The following TLE3 variants were observed in gnomAD, a reference collection of about 807,000 sequenced individuals.
TLE3 encodes transducin-like enhancer protein 3.
Under a neutral mutation model 93.0 loss-of-function variants are expected in TLE3, and 14 were observed. That is an observed-to-expected ratio of 0.15 (90% CI 0.10 to 0.24). The LOEUF is 0.24. Among genes scored for constraint, TLE3 ranks in the 10% least tolerant of loss-of-function variants. TLE3 has a pLI of 1.00. For missense variants in TLE3, 693 were observed against 1,046.6 expected (o/e 0.66, Z 4.66); for synonymous variants, 451 against 425.0 (o/e 1.06, Z -0.75).
At chr15:70,090,252 G>T (rs1221702573) in intron 4 of TLE3, among the ~76,000 whole-genome samples, 2 of 145,328 alleles carry the variant, frequency 1.4e-5, no homozygotes. Context: ...TTCCAGGGAA[G>T]ATCAATATAG....
Position 70,060,622 on chromosome 15 carries a change from G to A in TLE3, c.622C>T (p.Leu208Phe), listed in dbSNP as rs570796461. 1.2e-6 allele frequency: 2 copies of A among 1,614,016 alleles called. No homozygotes were observed. Among genetic ancestry groups the A allele is most frequent in the South Asian group, 2.2e-5 (2 of 91,088 alleles). Reference protein sequence around the residue: ...ANNSVSPSESLRASEKHRGSA... With the variant: ...ANNSVSPSESFRASEKHRGSA... ...CCCCGGTGCTTCTCACTGGCCCGGA[G>A]GCTTTCCGAGGGTGACACAGAGTTA... Residue 208 changes from leucine (L) to phenylalanine (F), a missense_variant, in exon 9 of 20, where the codon CTC becomes TTC. This residue lies in a region of TLE3 where 405 missense variants were observed against 468.9 expected (regional missense o/e 0.86). Coordinates refer to ENST00000451782, the MANE Select transcript of TLE3 (RefSeq NM_001105192.3).
chr15:70,087,651 C>T (rs1034801764), intron 4 of TLE3, among the ~76,000 whole-genome samples: 1 of 152,210 alleles, frequency 6.6e-6, no homozygotes, highest in Non-Finnish European at 1.5e-5. Context: ...AGCAGCCAGC[C>T]TGGGAGAGAA....
At chr15:70,056,740 C>G (rs996078744) in intron 13 of TLE3, among the ~76,000 whole-genome samples, 1 of 152,180 alleles carries the variant, frequency 6.6e-6, no homozygotes, top group Admixed American at 6.5e-5. Flanking sequence ...GGGCCCCTCT[C>G]CCCGCCAACC....
chr15:70,096,694 GC>G, intron 1 of TLE3, 80 bp downstream of exon 1: 1 of 1,579,956 alleles, frequency 6.3e-7, no homozygotes, highest in Non-Finnish European at 8.6e-7. Context: ...GTAGCAACAA[GC>G]AAAATGGAGG....
intron 2 of TLE3, 32 bp downstream of exon 2, chr15:70,096,115 ACCCACCCCTCCCCG>A: frequency 3.3e-6 from 5 of 1,503,262 alleles, no homozygotes; most frequent in Non-Finnish European, 4.5e-6. Flanking sequence ...CGCGCAGGGG[ACCCACCCCTCCCCG>A]CCAGCCCCGG....
At chr15:70,068,007 A>G (rs960728325) in intron 6 of TLE3, among the ~76,000 whole-genome samples, 3 of 152,198 alleles carry the variant, frequency 2.0e-5, no homozygotes, top group Non-Finnish European at 2.9e-5. Flanking sequence ...ACAGAGTCCA[A>G]TGCGGAGATC....
chr15:70,054,385 T>C, intron 16 of TLE3, 53 bp downstream of exon 16: 1 of 1,574,806 alleles, frequency 6.3e-7, no homozygotes, highest in East Asian at 2.2e-5. Context: ...CCAGGCAGGA[T>C]GGGTAAAAAC....
chr15:70,094,655 G>T (rs1229399263), intron 3 of TLE3, 79 bp from the exon 4 acceptor site: 6 of 1,111,396 alleles, frequency 5.4e-6, no homozygotes, highest in Non-Finnish European at 7.8e-6. Context: ...TCTTGGAAAG[G>T]TTTTGGCCAA....
chr15:70,093,490 G>A (rs768089363), intron 4 of TLE3, among the ~76,000 whole-genome samples: 4 of 152,188 alleles, frequency 2.6e-5, no homozygotes, highest in East Asian at 1.9e-4. Flanking sequence ...TTCAAGTCAC[G>A]GTCACCAAAG....
intron 17 of TLE3, 162 bp from the exon 18 acceptor site, chr15:70,052,686 T>C (rs1337616974): frequency 2.3e-5 from 15 of 652,078 alleles, no homozygotes; most frequent in African/African-American, 1.8e-5. Flanking sequence ...CCCCATTTTA[T>C]AGGTGAGAAA....
intron 14 of TLE3, 89 bp from the exon 15 acceptor site, chr15:70,055,387 C>T (rs749044722): frequency 5.3e-5 from 79 of 1,495,628 alleles, no homozygotes; most frequent in African/African-American, 3.4e-4. Flanking sequence ...GCACTGCCCC[C>T]GACTGGCTGC....
At chr15:70,054,963 C>T (rs1001609937) in intron 15 of TLE3, 86 bp downstream of exon 15, 13 of 1,484,496 alleles carry the variant, frequency 8.8e-6, no homozygotes, top group African/African-American at 2.8e-5. Context: ...GATGCTGAGC[C>T]AGGCCCTGGG....
At chr15:70,087,084 G>T (rs764560260) in intron 4 of TLE3, among the ~76,000 whole-genome samples, 2 of 152,184 alleles carry the variant, frequency 1.3e-5, no homozygotes, top group Non-Finnish European at 2.9e-5. Flanking sequence ...GGGTCAGAGA[G>T]AACCCTGAGC....
intron 4 of TLE3, among the ~76,000 whole-genome samples, chr15:70,090,008 C>G (rs1469296363): frequency 6.6e-6 from 1 of 152,192 alleles, no homozygotes; most frequent in Non-Finnish European, 1.5e-5. Flanking sequence ...ATTTGCTCAT[C>G]TCCCAGGGTC....
Position 70,057,519 on chromosome 15 carries a change from G to A in TLE3, c.1191C>T (p.Ser397=), listed in dbSNP as rs769746641. ...CAGCGGCTGCAGCAGCGGCGGCGGC[G>A]CTCATCTGGGGTGGGATGTTGTGGA... ...AGLHNIPPQM[S]AAAAAAAAAY... Residue 397 remains serine, a synonymous_variant, in exon 13 of 20, where the codon AGC becomes AGT. Coordinates refer to ENST00000451782, the MANE Select transcript of TLE3 (RefSeq NM_001105192.3). 42 of 1,607,442 alleles carry A rather than the reference G, an allele frequency of 2.6e-5. No individual in the cohort carries two copies. The highest frequency in any genetic ancestry group is 1.1e-4 in the East Asian group (5 of 44,594).
chr15:70,055,349 G>A (rs370269922), intron 14 of TLE3, 51 bp from the exon 15 acceptor site: 8 of 1,532,566 alleles, frequency 5.2e-6, no homozygotes, highest in African/African-American at 1.4e-5. Context: ...GCCCCTCAGA[G>A]TTCCCATAGG....
chr15:70,056,772 ATT>A lies in TLE3; in HGVS notation c.1252-400_1252-399del, dbSNP rs1016935780. Among the ~76,000 whole-genome samples, 274 of 152,082 alleles carry A rather than the reference ATT, an allele frequency of 1.8e-3. 2 individuals carry two copies. The highest frequency in any genetic ancestry group is 4.4e-4 in the Non-Finnish European group (30 of 67,970). On this transcript the variant is annotated intron_variant, in intron 13 of 19. Coordinates refer to ENST00000451782, the MANE Select transcript of TLE3 (RefSeq NM_001105192.3). ...AACCCTAACTCTTCTTTTTATTTTT[ATT>A]TTTTTGAGATGGAGTCTCGCTCTGC...
Position 70,097,574 on chromosome 15 carries a change from A to G in TLE3, c.-776T>C, listed in dbSNP as rs1453353197. 2.5e-6 allele frequency: 1 copy of G among 398,940 alleles called. No homozygotes were observed. The highest frequency in any genetic ancestry group is 4.4e-6 in the Non-Finnish European group (1 of 226,202). The allele number at this position is 398,940 out of a possible 1,614,324, so 24.7% of individuals were successfully genotyped here. On this transcript the variant is annotated 5_prime_UTR_variant, in exon 1 of 20. Transcript: ENST00000451782. Reference sequence around the variant, plus strand: ...CAGCGGGCACGGGAAGCCTCCGCAAAGGGTTCTCGCTGCTCCCAGCTTGAG... The same window carrying G: ...CAGCGGGCACGGGAAGCCTCCGCAAGGGGTTCTCGCTGCTCCCAGCTTGAG...
At chr15:70,087,314 CT>C (rs2058080210) in intron 4 of TLE3, among the ~76,000 whole-genome samples, 1 of 152,214 alleles carries the variant, frequency 6.6e-6, no homozygotes, top group Non-Finnish European at 1.5e-5. Context: ...ACACCCCAAG[CT>C]TTCAGGGTAT....
Sources: allele counts gnomAD v4.1 joint callset (sites outside exome capture counted in the v4.1 genomes callset), GRCh38; gene constraint gnomAD v4.1.1; regional missense constraint gnomAD v4.1.1; transcripts MANE v1.5; gene names NCBI Gene and HGNC (gene_info 2026-07-23, HGNC 2026-07-21).